GLIS3: variants seen among roughly 807,000 people sequenced by gnomAD.
The protein encoded by GLIS3 is GLIS family zinc finger 3.
In GLIS3, 53 loss-of-function variants were observed where a neutral mutation model predicts 78.6. The observed-to-expected ratio is 0.67, with a 90% confidence interval of 0.54 to 0.85. GLIS3 has a LOEUF of 0.85. GLIS3 is among the 40% of genes least tolerant of loss of function. GLIS3 has a pLI of 0.00. For missense variants in GLIS3, 1,703 were observed against 1,231.1 expected (o/e 1.38, Z -5.74); for synonymous variants, 684 against 509.9 (o/e 1.34, Z -4.60).
chr9:4,268,103 A>C (rs1019486094), intron 2 of GLIS3, among the ~76,000 whole-genome samples: 1 of 152,176 alleles, frequency 6.6e-6, no homozygotes, highest in African/African-American at 2.4e-5. Context: ...TTAGTGATTA[A>C]AAGCATGTAT....
the GLIS3 span, among the ~76,000 whole-genome samples, chr9:4,466,835 C>T: frequency 3.3e-5 from 5 of 152,220 alleles, no homozygotes; most frequent in Admixed American, 6.5e-5. Flanking sequence ...TGCAGGGCAT[C>T]GCCTCATCCA....
At chr9:4,076,209 C>G (rs916414328) in intron 4 of GLIS3, among the ~76,000 whole-genome samples, 3 of 152,144 alleles carry the variant, frequency 2.0e-5, no homozygotes, top group Non-Finnish European at 4.4e-5. Context: ...TGAGTTCCAT[C>G]TACTATCCCA....
chr9:4,408,478 C>A, the GLIS3 span, among the ~76,000 whole-genome samples: 1 of 151,148 alleles, frequency 6.6e-6, no homozygotes. Context: ...CCTGTAATCC[C>A]AGCACTTTTG....
At chr9:4,301,915 G>A (rs1025708641), upstream of GLIS3, among the ~76,000 whole-genome samples, 1 of 151,992 alleles carries the variant, frequency 6.6e-6, no homozygotes, top group Non-Finnish European at 1.5e-5. Context: ...TTTTATTTAG[G>A]TGTGATTTTC....
chr9:4,413,320 T>C, the GLIS3 span, among the ~76,000 whole-genome samples: 1 of 152,224 alleles, frequency 6.6e-6, no homozygotes, highest in Admixed American at 6.5e-5. Flanking sequence ...CCATTGTGTT[T>C]AATATGACTG....
rs563154916 is a variant in GLIS3, at chr9:3,959,874, G to A, written c.1711-22685C>T. Among the ~76,000 whole-genome samples, 186 of 152,264 alleles carry A rather than the reference G, an allele frequency of 1.2e-3. 1 individual carries two copies. Among genetic ancestry groups the A allele is most frequent in the Admixed American group, 2.7e-3 (42 of 15,292 alleles). On this transcript the variant is annotated intron_variant, in intron 4 of 10. Transcript: ENST00000381971. Reference sequence around the variant, plus strand: ...TTTATAGAAAGAGGAAATTTGGGCCGGGAGCCTTGGCTCAAGCCTGTAATC... The same window carrying A: ...TTTATAGAAAGAGGAAATTTGGGCCAGGAGCCTTGGCTCAAGCCTGTAATC...
At chr9:4,393,088 T>C in the GLIS3 span, among the ~76,000 whole-genome samples, 1 of 152,180 alleles carries the variant, frequency 6.6e-6, no homozygotes, top group East Asian at 1.9e-4. Context: ...TCAATGGCAG[T>C]CTTTTTTATA....
rs10081657 is a variant in GLIS3 at position 3,900,518 on chromosome 9, C to T, written c.1984-1683G>A. Among the ~76,000 whole-genome samples the T allele has an allele frequency of 1.9e-3, 285 of 152,064 alleles. 1 individual carries two copies. The highest frequency in any genetic ancestry group is 6.6e-3 in the African/African-American group (275 of 41,462). ...AAAATATACACATATATATATAAAA[C>T]AAATAGCATTATTTATAGCAATACC... On this transcript the variant is annotated intron_variant, in intron 6 of 10. Transcript: ENST00000381971.
chr9:4,469,391 G>C, the GLIS3 span, among the ~76,000 whole-genome samples: 4 of 152,106 alleles, frequency 2.6e-5, no homozygotes, highest in African/African-American at 4.8e-5. Flanking sequence ...TGGAAGTAAA[G>C]CACTCCTCAG....
intron 1 of GLIS3, among the ~76,000 whole-genome samples, chr9:4,296,292 GA>G (rs201201304): frequency 0.3 from 34,370 of 116,134 alleles, 4,430 homozygotes; most frequent in East Asian, 0.36. Flanking sequence ...ACAGTCAGAG[GA>G]AAAAAAAAAA....
chr9:4,218,630 A>G (rs1292568853), intron 2 of GLIS3, among the ~76,000 whole-genome samples: 1 of 152,222 alleles, frequency 6.6e-6, no homozygotes, highest in East Asian at 1.9e-4. Context: ...CCAATCTGGT[A>G]GATACCACCC....
chr9:3,834,963 G>A (rs767326893), intron 9 of GLIS3, among the ~76,000 whole-genome samples: 38 of 152,290 alleles, frequency 2.5e-4, no homozygotes, highest in Admixed American at 5.2e-4. Context: ...GCACCAGGGT[G>A]GCGATGTGCC....
chr9:3,997,352 T>C (rs1182650554), intron 4 of GLIS3, among the ~76,000 whole-genome samples: 2 of 150,970 alleles, frequency 1.3e-5, no homozygotes, highest in African/African-American at 4.9e-5. Context: ...AAATTCCGTC[T>C]CAAGAAAACA....
chr9:4,215,475 T>C (rs766273091), intron 2 of GLIS3, among the ~76,000 whole-genome samples: 2 of 152,042 alleles, frequency 1.3e-5, no homozygotes, highest in Non-Finnish European at 2.9e-5. Context: ...TCATTTATGG[T>C]GAAGGAAAAA....
chr9:4,403,367 G>T, the GLIS3 span, among the ~76,000 whole-genome samples: 1 of 152,030 alleles, frequency 6.6e-6, no homozygotes, highest in African/African-American at 2.4e-5. Flanking sequence ...ATCATCTGAA[G>T]GTAAAAAACT....
At chr9:4,322,161 G>A (rs965521022) in intron 2 of GLIS3, among the ~76,000 whole-genome samples, 2 of 152,148 alleles carry the variant, frequency 1.3e-5, no homozygotes, top group African/African-American at 4.8e-5. Flanking sequence ...AGTTTGCTCA[G>A]AATGATGGTT....
At chr9:4,268,188 G>C (rs1330248394) in intron 2 of GLIS3, among the ~76,000 whole-genome samples, 2 of 151,956 alleles carry the variant, frequency 1.3e-5, no homozygotes, top group Non-Finnish European at 2.9e-5. Context: ...AAATTACTCA[G>C]TTACACCTTA....
At chr9:4,178,331 C>A (rs1429302794) in intron 2 of GLIS3, among the ~76,000 whole-genome samples, 1 of 152,040 alleles carries the variant, frequency 6.6e-6, no homozygotes, top group Non-Finnish European at 1.5e-5. Context: ...AGATATCCTG[C>A]AAAGGAGGGT....
In GLIS3 at chr9:3,825,573, A is replaced by C. The variant is rs1448992769; in HGVS notation, c.*2699T>G. The C allele has an allele frequency of 6.6e-6, 1 of 152,222 alleles. No individual in the cohort carries two copies. The highest frequency in any genetic ancestry group is 1.9e-4 in the East Asian group (1 of 5,204). The allele number at this position is 152,222 out of a possible 1,614,324, so 9.4% of individuals were successfully genotyped here. On this transcript the variant is annotated 3_prime_UTR_variant, in exon 11 of 11. Transcript: ENST00000381971. Reference sequence around the variant, plus strand: ...AAAATGGTTACATATCAAGACTTAAAAAGACCAGGACATGAAAGGGAATGA... The same window carrying C: ...AAAATGGTTACATATCAAGACTTAACAAGACCAGGACATGAAAGGGAATGA...
Sources: gnomAD v4.1 joint callset for allele counts (sites outside exome capture counted in the v4.1 genomes callset) on GRCh38, gnomAD v4.1.1 for gene constraint, MANE v1.5 for transcripts, NCBI Gene and HGNC (gene_info 2026-07-23, HGNC 2026-07-21) for gene names.